CCSER2: variants seen among roughly 807,000 people sequenced by gnomAD.
The protein encoded by CCSER2 is coiled-coil serine rich protein 2.
A neutral mutation model predicts 92.3 loss-of-function variants in CCSER2; 46 were observed. The ratio of observed to expected loss-of-function variants is 0.50; its 90% confidence interval spans 0.39 to 0.64. The LOEUF is 0.64. Ranked by LOEUF, CCSER2 falls within the 30% of genes least tolerant of loss-of-function variation. CCSER2 has a pLI of 0.00. For missense variants in CCSER2, 1,244 were observed against 1,238.9 expected (o/e 1.00, Z -0.06); for synonymous variants, 433 against 431.4 (o/e 1.00, Z -0.04).
intron 9 of CCSER2, among the ~76,000 whole-genome samples, chr10:84,511,926 A>G (rs748482459): frequency 6.6e-6 from 1 of 152,218 alleles, no homozygotes. Flanking sequence ...TGAGGCAGCA[A>G]TTGAGCTGAC....
Position 84,332,434 on chromosome 10 carries a change from A to ATTT in CCSER2, c.-40+3627_-40+3628insTTT, listed in dbSNP as rs1336634806. Among the ~76,000 whole-genome samples, 214 of 66,028 alleles carry ATTT rather than the reference A, an allele frequency of 3.2e-3. 6 individuals are homozygous for ATTT. The highest frequency in any genetic ancestry group is 9.5e-3 in the African/African-American group (113 of 11,886). The allele number at this position is 66,028 out of a possible 152,430, so 43.3% of individuals were successfully genotyped here. A position where few individuals can be genotyped will look rare whatever the true frequency, so the allele number is the denominator to read the frequency against. ...TTTTTATATATATATATATATATATATATTTTTTTTTTTTTTTTTTTTTGA... is the reference window on the plus strand; with the variant it reads ...TTTTTATATATATATATATATATATATTTTATTTTTTTTTTTTTTTTTTTTTGA... On this transcript the variant is annotated intron_variant, in intron 1 of 9. Coordinates refer to ENST00000372088, the MANE Select transcript of CCSER2 (RefSeq NM_001284240.2).
At chr10:84,473,489 G>A (rs1045810726) in intron 8 of CCSER2, among the ~76,000 whole-genome samples, 1 of 152,168 alleles carries the variant, frequency 6.6e-6, no homozygotes, top group Non-Finnish European at 1.5e-5. Flanking sequence ...TCTCTGTAAA[G>A]TGAATGCCTT....
At chr10:84,511,852 A>G (rs1167094247) in intron 9 of CCSER2, among the ~76,000 whole-genome samples, 1 of 152,148 alleles carries the variant, frequency 6.6e-6, no homozygotes, top group Non-Finnish European at 1.5e-5. Context: ...GGGACAGTTC[A>G]TTCATTTTTG....
At chr10:84,498,639 G>A (rs572281429) in intron 9 of CCSER2, among the ~76,000 whole-genome samples, 6 of 151,990 alleles carry the variant, frequency 3.9e-5, no homozygotes, top group African/African-American at 1.4e-4. Flanking sequence ...AACTATTATC[G>A]TAATTTTTAA....
chr10:84,441,977 C>T (rs992796413), intron 6 of CCSER2, among the ~76,000 whole-genome samples: 1 of 151,730 alleles, frequency 6.6e-6, no homozygotes, highest in Non-Finnish European at 1.5e-5. Flanking sequence ...ACAAGGGTCT[C>T]GATCTCCTGA....
intron 3 of CCSER2, 170 bp downstream of exon 3, chr10:84,373,985 G>T: frequency 7.3e-7 from 1 of 1,364,942 alleles, no homozygotes. Flanking sequence ...ATGAAATAAA[G>T]CATGGAGAAT....
chr10:84,409,309 A>ATT (rs771008182), intron 3 of CCSER2, among the ~76,000 whole-genome samples: 2 of 150,804 alleles, frequency 1.3e-5, no homozygotes, highest in Non-Finnish European at 1.5e-5. Context: ...TATTTAAAAA[A>ATT]ATTTTTTTTT....
At chr10:84,391,270 A>G (rs150242845) in intron 3 of CCSER2, 1 of 1,447,020 alleles carries the variant, frequency 6.9e-7, no homozygotes, top group Non-Finnish European at 9.7e-7. Flanking sequence ...AACCAGATCA[A>G]TATGAAGCTC....
At chr10:84,490,674 A>C (rs11201065) in intron 9 of CCSER2, among the ~76,000 whole-genome samples, 86,187 of 152,030 alleles carry the variant, frequency 0.57, 27,119 homozygotes, top group East Asian at 0.74. Flanking sequence ...CCTTCTTTGC[A>C]TGGGGTTCGA....
intron 7 of CCSER2, among the ~76,000 whole-genome samples, chr10:84,465,954 G>T (rs546973137): frequency 6.6e-6 from 1 of 152,012 alleles, no homozygotes; most frequent in Non-Finnish European, 1.5e-5. Flanking sequence ...GTTTCACCGT[G>T]GTCTCAATCT....
Position 84,329,693 on chromosome 10 carries a change from C to T in CCSER2, c.-40+885C>T, listed in dbSNP as rs147454719. Reference sequence around the variant, plus strand: ...TTTAGACTAGAGACTTTAGAGATGGCAGCTGCTCTTTAACCAAAAGGAACT... The same window carrying T: ...TTTAGACTAGAGACTTTAGAGATGGTAGCTGCTCTTTAACCAAAAGGAACT... On this transcript the variant is annotated intron_variant, in intron 1 of 9. Coordinates refer to ENST00000372088, the MANE Select transcript of CCSER2 (RefSeq NM_001284240.2). Among the ~76,000 whole-genome samples, 177 of 152,220 alleles carry T rather than the reference C, an allele frequency of 1.2e-3. 1 individual carries two copies. Among genetic ancestry groups the T allele is most frequent in the African/African-American group, 4.2e-3 (173 of 41,514 alleles).
chr10:84,443,370 T>C (rs971632717), intron 6 of CCSER2, among the ~76,000 whole-genome samples: 1 of 152,184 alleles, frequency 6.6e-6, no homozygotes, highest in Non-Finnish European at 1.5e-5. Context: ...AAGACAATTA[T>C]GCAGCCAACA....
intron 1 of CCSER2, among the ~76,000 whole-genome samples, chr10:84,339,648 T>A (rs1035724194): frequency 4.6e-5 from 7 of 151,552 alleles, no homozygotes; most frequent in South Asian, 2.1e-4. Flanking sequence ...GCTGGTTTTG[T>A]ATTTTTAGTA....
chr10:84,442,863 C>T (rs1844660940), intron 6 of CCSER2, among the ~76,000 whole-genome samples: 2 of 152,192 alleles, frequency 1.3e-5, no homozygotes, highest in African/African-American at 4.8e-5. Flanking sequence ...ACCATCTGAC[C>T]TTTGACAAAC....
chr10:84,364,949 C>T (rs894032182), intron 1 of CCSER2, among the ~76,000 whole-genome samples: 1 of 151,920 alleles, frequency 6.6e-6, no homozygotes, highest in African/African-American at 2.4e-5. Flanking sequence ...ACCATATTGG[C>T]CAGGCTGGTC....
At chr10:84,510,934 G>A (rs1849316765) in intron 9 of CCSER2, among the ~76,000 whole-genome samples, 1 of 152,084 alleles carries the variant, frequency 6.6e-6, no homozygotes, top group African/African-American at 2.4e-5. Flanking sequence ...TACAGTAGTG[G>A]AATTGATTTT....
chr10:84,445,683 G>T (rs1033795762), intron 6 of CCSER2, among the ~76,000 whole-genome samples: 2 of 152,110 alleles, frequency 1.3e-5, no homozygotes, highest in Admixed American at 1.3e-4. Flanking sequence ...GAATTTGTCT[G>T]TATTTGAACT....
At chr10:84,447,504 G>A (rs540574454) in intron 6 of CCSER2, among the ~76,000 whole-genome samples, 1 of 152,064 alleles carries the variant, frequency 6.6e-6, no homozygotes, top group Non-Finnish European at 1.5e-5. Context: ...TTTTTTCACT[G>A]TCTGATATCC....
intron 9 of CCSER2, among the ~76,000 whole-genome samples, chr10:84,510,992 G>A (rs1849319525): frequency 6.6e-6 from 1 of 152,050 alleles, no homozygotes; most frequent in South Asian, 2.1e-4. Flanking sequence ...CTGATTTGGG[G>A]ATAGGGAAAT....
Sources: allele counts gnomAD v4.1 joint callset (sites outside exome capture counted in the v4.1 genomes callset), GRCh38; gene constraint gnomAD v4.1.1; transcripts MANE v1.5; gene names NCBI Gene and HGNC (gene_info 2026-07-23, HGNC 2026-07-21).